Variants in FAM107B observed in about 807,000 individuals in gnomAD.
FAM107B encodes protein FAM107B.
Under a neutral mutation model 31.5 loss-of-function variants are expected in FAM107B, and 21 were observed. The ratio of observed to expected loss-of-function variants is 0.67; its 90% CI spans 0.47 to 0.96. FAM107B has a LOEUF of 0.96. Among genes scored for constraint, FAM107B ranks in the 40% least tolerant of loss-of-function variants. The pLI is 0.00. For missense variants in FAM107B, 452 were observed against 377.1 expected, an observed-to-expected ratio of 1.20 and a Z score of -1.64; for synonymous variants, 157 against 141.5, an observed-to-expected ratio of 1.11 and a Z score of -0.78.
At chr10:14,707,347 G>A (rs1335087361) in intron 1 of FAM107B, among the ~76,000 whole-genome samples, 5 of 109,698 alleles carry the variant, frequency 4.6e-5, no homozygotes, top group Non-Finnish European at 7.4e-5. Context: ...CACCAATTGC[G>A]TTCCCACAAT....
chr10:14,550,351 A>G (rs1416215604), intron 2 of FAM107B, among the ~76,000 whole-genome samples: 1 of 152,228 alleles, frequency 6.6e-6, no homozygotes, highest in Non-Finnish European at 1.5e-5. Context: ...CTGAGTCTGC[A>G]GCTCTAGTCC....
intron 1 of FAM107B, chr10:14,723,894 G>C: frequency 1.3e-6 from 1 of 753,422 alleles, no homozygotes; most frequent in South Asian, 1.3e-5. Context: ...GCTTCTCCCA[G>C]GTCCTCTTCA....
At chr10:14,726,332 C>G (rs1235283980) in intron 1 of FAM107B, among the ~76,000 whole-genome samples, 1 of 152,136 alleles carries the variant, frequency 6.6e-6, no homozygotes, top group Non-Finnish European at 1.5e-5. Flanking sequence ...ACATAAAAAT[C>G]TATGTGGGAA....
intron 1 of FAM107B, among the ~76,000 whole-genome samples, chr10:14,746,115 G>A (rs1832722798): frequency 6.6e-6 from 1 of 152,038 alleles, no homozygotes; most frequent in Non-Finnish European, 1.5e-5. Context: ...AACTAGAATT[G>A]CAACCCTGCT....
intron 1 of FAM107B, among the ~76,000 whole-genome samples, chr10:14,694,046 G>A (rs1855208475): frequency 6.6e-6 from 1 of 152,128 alleles, no homozygotes; most frequent in African/African-American, 2.4e-5. Flanking sequence ...GTAAAGGGCT[G>A]GACCTTCTTT....
rs755722311 is a variant in FAM107B, at chr10:14,521,306, G to A, written c.805C>T (p.Leu269Phe). 5 of 1,612,322 alleles carry A rather than the reference G, an allele frequency of 3.1e-6. No individual in the cohort carries two copies. In the Admixed American group the frequency reaches 8.4e-5, roughly 27 times the overall value. Residue 269 changes from leucine (L) to phenylalanine (F), a missense_variant and splice_region_variant, in exon 5 of 5, where the codon CTT (leucine) becomes TTT (phenylalanine). By Grantham distance (22) the Leu-to-Phe change is conservative. Transcript: ENST00000181796. ...TGCAATTTCTGCTTCTCAAGTTCAA[G>A]CTAAATGACATTCAGAAAAGGAAAA... ...LLKRQQKLEQ[L>F]ELEKQKLQEE...
chr10:14,665,725 C>T (rs921398412), intron 2 of FAM107B, among the ~76,000 whole-genome samples: 1 of 152,204 alleles, frequency 6.6e-6, no homozygotes, highest in Non-Finnish European at 1.5e-5. Flanking sequence ...GGCTTTCAAA[C>T]TCCAATCTTC....
intron 2 of FAM107B, among the ~76,000 whole-genome samples, chr10:14,574,986 T>C (rs1336782106): frequency 6.6e-6 from 1 of 152,114 alleles, no homozygotes; most frequent in Non-Finnish European, 1.5e-5. Flanking sequence ...CCTCCTTTAT[T>C]AACAGTCTTT....
At chr10:14,592,742 G>A (rs537242605) in intron 2 of FAM107B, among the ~76,000 whole-genome samples, 2 of 152,324 alleles carry the variant, frequency 1.3e-5, no homozygotes, top group East Asian at 3.9e-4. Context: ...TTCTGGAATG[G>A]AAAAAGAAAC....
Position 14,710,431 on chromosome 10 carries a change from TACACACACACACACAC to T in FAM107B, c.412-42756_412-42741del, listed in dbSNP as rs57418409. ...ATATTTTTTTGCCTGTCTCTAAAAATACACACACACACACACACACACACACACACACACACACACA... is the reference window on the plus strand; with the variant it reads ...ATATTTTTTTGCCTGTCTCTAAAAATACACACACACACACACACACACACA... On this transcript the variant is annotated intron_variant, in intron 1 of 4. Transcript: ENST00000181796. 3.4e-3 allele frequency among the ~76,000 whole-genome samples: 504 copies of T among 146,516 alleles called. 3 individuals carry two copies. The highest frequency in any genetic ancestry group is 9.8e-3 in the African/African-American group (391 of 39,812).
At chr10:14,675,556 A>T (rs1854662204) in intron 1 of FAM107B, among the ~76,000 whole-genome samples, 2 of 152,154 alleles carry the variant, frequency 1.3e-5, no homozygotes, top group African/African-American at 4.8e-5. Context: ...CATTTGGAAA[A>T]TGGGTCCCAA....
intron 2 of FAM107B, among the ~76,000 whole-genome samples, chr10:14,623,513 G>T (rs1221528754): frequency 1.3e-5 from 2 of 152,264 alleles, no homozygotes; most frequent in African/African-American, 4.8e-5. Flanking sequence ...AGTCGGGAGA[G>T]CTCAGGCGTC....
chr10:14,737,199 T>C (rs1426429259), intron 1 of FAM107B, among the ~76,000 whole-genome samples: 2 of 151,930 alleles, frequency 1.3e-5, no homozygotes, highest in Non-Finnish European at 2.9e-5. Flanking sequence ...GTTAGGCTTG[T>C]AGGGCTTCTC....
At chr10:14,572,017 C>A (rs975010289) in intron 2 of FAM107B, 1 of 985,348 alleles carries the variant, frequency 1.0e-6, no homozygotes. Context: ...TTCCTTAGAG[C>A]GGTGAAGAAA....
At chr10:14,534,146 A>T (rs1011672085) in intron 2 of FAM107B, among the ~76,000 whole-genome samples, 9 of 152,168 alleles carry the variant, frequency 5.9e-5, no homozygotes, top group African/African-American at 1.9e-4. Context: ...GGAGCCTCTC[A>T]GTCTGAGTTA....
At chr10:14,607,471 A>G (rs1253214135) in intron 2 of FAM107B, among the ~76,000 whole-genome samples, 1 of 152,170 alleles carries the variant, frequency 6.6e-6, no homozygotes, top group South Asian at 2.1e-4. Flanking sequence ...AGCTATGGTG[A>G]TATTTCCATT....
chr10:14,741,862 C>G (rs1348448774), intron 1 of FAM107B, among the ~76,000 whole-genome samples: 1 of 151,680 alleles, frequency 6.6e-6, no homozygotes, highest in Non-Finnish European at 1.5e-5. Context: ...CCCGCCCCCA[C>G]ACCAGGCTAA....
intron 2 of FAM107B, among the ~76,000 whole-genome samples, chr10:14,531,945 A>C (rs1257206206): frequency 1.3e-5 from 2 of 152,220 alleles, no homozygotes; most frequent in Non-Finnish European, 2.9e-5. Flanking sequence ...TCTCAGGCTT[A>C]AGTAAGTCCT....
chr10:14,620,207 CG>C (rs899902968), intron 2 of FAM107B, among the ~76,000 whole-genome samples: 19 of 151,866 alleles, frequency 1.3e-4, no homozygotes, highest in African/African-American at 4.6e-4. Flanking sequence ...TTAGTAGAGA[CG>C]GGGTTTCACC....
Sources: allele counts gnomAD v4.1 joint callset (sites outside exome capture counted in the v4.1 genomes callset), GRCh38; gene constraint gnomAD v4.1.1; transcripts MANE v1.5; gene names NCBI Gene and HGNC (gene_info 2026-07-23, HGNC 2026-07-21).